Variants in ERG observed in about 807,000 individuals in gnomAD.
The protein encoded by ERG is transcriptional regulator ERG.
A neutral mutation model predicts 55.3 loss-of-function variants in ERG; 9 were observed. That is an observed-to-expected ratio of 0.16 (90% CI 0.10 to 0.28). The LOEUF (loss-of-function observed/expected upper bound fraction) is 0.28, where lower values mean the gene tolerates loss of function less well. Ranked by LOEUF, ERG falls within the 10% of genes least tolerant of loss-of-function variation. The probability of loss-of-function intolerance (pLI) is 1.00; values close to 1 mark genes in which losing one functional copy is unlikely to be tolerated. For missense variants in ERG, 434 were observed against 631.6 expected (o/e 0.69, Z 3.35); for synonymous variants, 223 against 237.3 (o/e 0.94, Z 0.55).
chr21:38,576,716 A>T (rs1024876660), intron 1 of ERG, among the ~76,000 whole-genome samples: 4 of 151,894 alleles, frequency 2.6e-5, no homozygotes, highest in African/African-American at 9.7e-5. Context: ...CCTCCTGGCC[A>T]CCTGTCAGGG....
intron 2 of ERG, among the ~76,000 whole-genome samples, chr21:38,533,503 T>C (rs150915727): frequency 2.0e-5 from 3 of 152,330 alleles, no homozygotes; most frequent in East Asian, 3.9e-4. Flanking sequence ...CTTACAGCTA[T>C]AATATTTTTT....
chr21:38,626,191 G>A (rs888841060), intron 1 of ERG, among the ~76,000 whole-genome samples: 11 of 152,150 alleles, frequency 7.2e-5, no homozygotes, highest in African/African-American at 2.2e-4. Context: ...CAAAGTGCTG[G>A]GATTACAGGC....
In ERG at chr21:38,382,954, C is replaced by G. The variant is rs900204986; in HGVS notation, c.*449G>C. On this transcript the variant is annotated 3_prime_UTR_variant, in exon 10 of 10. Coordinates refer to ENST00000288319, the MANE Select transcript of ERG (RefSeq NM_182918.4). Reference sequence around the variant, plus strand: ...CTTTTCTCTTGTTTTTGATATGTTTCTATTTTTAAATACAGGTAGTTTTCC... The same window carrying G: ...CTTTTCTCTTGTTTTTGATATGTTTGTATTTTTAAATACAGGTAGTTTTCC... The G allele has an allele frequency of 2.1e-4, 226 of 1,067,432 alleles. No homozygotes were observed. The highest frequency in any genetic ancestry group is 2.4e-4 in the Non-Finnish European group (208 of 880,662). The allele number at this position is 1,067,432 out of a possible 1,614,324, so 66.1% of individuals were successfully genotyped here. A position where few individuals can be genotyped will look rare whatever the true frequency, so the allele number is the denominator to read the frequency against.
At chr21:38,508,358 T>G (rs188194672) in intron 2 of ERG, among the ~76,000 whole-genome samples, 7 of 152,070 alleles carry the variant, frequency 4.6e-5, no homozygotes, top group African/African-American at 1.7e-4. Context: ...TCCGTCTCAA[T>G]AATTGAGCTA....
chr21:38,577,887 G>A (rs1384789931), intron 1 of ERG, among the ~76,000 whole-genome samples: 1 of 152,154 alleles, frequency 6.6e-6, no homozygotes, highest in African/African-American at 2.4e-5. Flanking sequence ...ACTGAAGCTC[G>A]TCCCCCTCCC....
chr21:38,542,309 C>T (rs1042853826), intron 2 of ERG, among the ~76,000 whole-genome samples: 50 of 152,130 alleles, frequency 3.3e-4, no homozygotes, highest in African/African-American at 1.2e-3. Context: ...AATTTTATCA[C>T]GACAGTTATA....
chr21:38,583,567 A>G (rs894877477), intron 1 of ERG, among the ~76,000 whole-genome samples: 5 of 152,182 alleles, frequency 3.3e-5, no homozygotes, highest in Non-Finnish European at 7.3e-5. Context: ...AAAAATACTT[A>G]TAGCTATGGG....
chr21:38,445,565 C>T lies in ERG; in HGVS notation c.75G>A (p.Thr25=), dbSNP rs776095020. The change falls in exon 2 of 10, where the codon ACG becomes ACA. Residue 25 remains threonine (T), a synonymous_variant. Transcript: ENST00000288319. ...TCATCTCTGTCTTAGCCAGGTGTGG[C>T]GTTCCGTAGGCACACTCAAACAACG... is the stretch of plus-strand genomic sequence containing the variant. ...DQSLFECAYG[T]PHLAKTEMTA... 1.9e-5 allele frequency: 31 copies of T among 1,613,892 alleles called. No homozygotes were observed. Among genetic ancestry groups the T allele is most frequent in the Admixed American group, 6.7e-5 (4 of 59,968 alleles).
At chr21:38,558,441 T>C (rs563111725) in intron 2 of ERG, among the ~76,000 whole-genome samples, 1 of 152,232 alleles carries the variant, frequency 6.6e-6, no homozygotes, top group Non-Finnish European at 1.5e-5. Flanking sequence ...CAGTCCCTTC[T>C]CTCAAGGTCC....
chr21:38,590,866 G>C (rs2060096387), intron 1 of ERG, among the ~76,000 whole-genome samples: 1 of 152,374 alleles, frequency 6.6e-6, no homozygotes, highest in African/African-American at 2.4e-5. Flanking sequence ...TGCCTTGCTT[G>C]ATCCTTAATG....
chr21:38,603,921 C>T (rs774510455), intron 1 of ERG, among the ~76,000 whole-genome samples: 4 of 151,636 alleles, frequency 2.6e-5, no homozygotes, highest in Non-Finnish European at 5.9e-5. Context: ...AATGCCTTCA[C>T]GTATTGGCAT....
chr21:38,629,329 C>A (rs920924595), intron 1 of ERG, among the ~76,000 whole-genome samples: 8 of 152,220 alleles, frequency 5.3e-5, no homozygotes, highest in African/African-American at 1.7e-4. Context: ...AAGGTGCAAA[C>A]CTTTCCACAC....
Position 38,628,228 on chromosome 21 carries a change from G to A in ERG, c.-150+33430C>T, listed in dbSNP as rs182245235. On this transcript the variant is annotated intron_variant, in intron 1 of 10. Coordinates refer to the ERG transcript ENST00000398910. ...GCCTCTCAGAGTGCTGGAATCAGAG[G>A]TGTGAGCCACCATACACAGCCTGCT... is the stretch of plus-strand genomic sequence containing the variant. 2.9e-3 allele frequency among the ~76,000 whole-genome samples: 448 copies of A among 152,252 alleles called. 5 individuals carry two copies. Among genetic ancestry groups the A allele is most frequent in the African/African-American group, 0.01 (431 of 41,546 alleles).
At position 38,383,008 on chromosome 21, in the gene ERG, G is replaced by T; in HGVS notation, c.*395C>A. 1 of 1,076,520 alleles carries T rather than the reference G, an allele frequency of 9.3e-7. No homozygotes were observed. Among genetic ancestry groups the T allele is most frequent in the Non-Finnish European group, 1.1e-6 (1 of 887,310 alleles). The allele number at this position is 1,076,520 out of a possible 1,614,324, so 66.7% of individuals were successfully genotyped here. On this transcript the variant is annotated 3_prime_UTR_variant, in exon 10 of 10. Coordinates refer to ENST00000288319, the MANE Select transcript of ERG (RefSeq NM_182918.4). This position sits in a 1 kb window ranked among gnomAD's most constrained non-coding sequence, Gnocchi z 5.7. The stretch of plus-strand genomic sequence containing the variant: ...AAATGGCATTATAAACGGTATGTTA[G>T]GTCAAAACTGTGTTGTTTCTATTGC...
At chr21:38,442,444 T>C (rs751847251) in intron 2 of ERG, among the ~76,000 whole-genome samples, 2 of 152,160 alleles carry the variant, frequency 1.3e-5, no homozygotes, top group Non-Finnish European at 2.9e-5. Flanking sequence ...CTGAAAAAGA[T>C]GTTTCCCGGA....
intron 2 of ERG, among the ~76,000 whole-genome samples, chr21:38,510,663 C>A (rs938246518): frequency 6.6e-6 from 1 of 152,172 alleles, no homozygotes; most frequent in African/African-American, 2.4e-5. Context: ...GAAGTATCAG[C>A]GGCTACCTCG....
rs118119196 is a variant in ERG at position 38,554,226 on chromosome 21, C to T, written c.-41+21436G>A. 6.5e-4 allele frequency among the ~76,000 whole-genome samples: 99 copies of T among 152,194 alleles called. 2 individuals carry two copies. The East Asian group carries it at 0.012, about 19-fold the overall frequency. On this transcript the variant is annotated intron_variant, in intron 2 of 8. Coordinates refer to the ERG transcript ENST00000398897. ...GAGAAAAAGGAACAGTTATATGCTG[C>T]GTGTGTGAATGTAAATTAGTTCAGA...
intron 2 of ERG, among the ~76,000 whole-genome samples, chr21:38,561,977 A>C (rs894073281): frequency 5.9e-5 from 9 of 152,230 alleles, no homozygotes; most frequent in Non-Finnish European, 1.0e-4. Flanking sequence ...GATCTTTAAA[A>C]TAATAAAAAA....
At chr21:38,654,117 T>C (rs928328019) in intron 1 of ERG, among the ~76,000 whole-genome samples, 1 of 152,258 alleles carries the variant, frequency 6.6e-6, no homozygotes, top group African/African-American at 2.4e-5. Flanking sequence ...CTTAGAAAAC[T>C]GTAAAAATAT....
Sources: allele counts gnomAD v4.1 joint callset (sites outside exome capture counted in the v4.1 genomes callset), GRCh38; gene constraint gnomAD v4.1.1; non-coding constraint Gnocchi (gnomAD v3.1); transcripts MANE v1.5; gene names NCBI Gene and HGNC (gene_info 2026-07-23, HGNC 2026-07-21).